Variants in UPF1 observed in about 807,000 individuals in gnomAD.
UPF1 encodes UPF1 RNA helicase and ATPase.
UPF1 carries 9 observed loss-of-function variants against 129.2 expected under a neutral mutation model. The observed-to-expected ratio is 0.07, with a 90% CI of 0.04 to 0.12. UPF1 has a LOEUF of 0.12. Among genes scored for constraint, UPF1 ranks in the 10% least tolerant of loss-of-function variants. UPF1 has a pLI of 1.00. For missense variants in UPF1, 788 were observed against 1,525.3 expected (o/e 0.52, Z 8.05); for synonymous variants, 649 against 644.9 (o/e 1.01, Z -0.10).
In UPF1 at chr19:18,855,992, G is replaced by A; in HGVS notation, c.1612G>A (p.Gly538Arg). The change falls in exon 12 of 24, where the codon GGG becomes AGG. Residue 538 changes from glycine to arginine, a missense_variant. By Grantham distance (125) the Gly-to-Arg change is moderately radical (BLOSUM62 -2). This residue lies in a region of UPF1 where 91 missense variants were observed against 157.2 expected (regional missense o/e 0.58). Coordinates refer to ENST00000262803, the MANE Select transcript of UPF1 (RefSeq NM_002911.4). The stretch of plus-strand genomic sequence containing the variant: ...GCTAACGGAGAAGATCCACCAGACG[G>A]GGCTAAAGGTCGTGCGCCTCTGCGC... ...DQLTEKIHQT[G>R]LKVVRLCAKS... 1 of 1,613,990 alleles carries A rather than the reference G, an allele frequency of 6.2e-7. No homozygotes were observed. The highest frequency in any genetic ancestry group is 8.5e-7 in the Non-Finnish European group (1 of 1,180,038).
In UPF1 at chr19:18,862,102, T is replaced by C; in HGVS notation, c.2550T>C (p.Ile850=). 1 of 1,613,972 alleles carries C rather than the reference T, an allele frequency of 6.2e-7. No individual in the cohort carries two copies. Among genetic ancestry groups the C allele is most frequent in the Non-Finnish European group, 8.5e-7 (1 of 1,180,018 alleles). ...TGCGGGCCAACGAGCACCAAGGCAT[T>C]GGCTTTTTAAATGACCCCAGGCGTC... The part of the protein sequence containing the change: ...SCVRANEHQG[I]GFLNDPRRLN... The change falls in exon 18 of 24, where the codon ATT becomes ATC. Residue 850 remains isoleucine, a synonymous_variant. Transcript: ENST00000262803.
chr19:18,856,844 C>CCCTCCG (rs2055723937), intron 13 of UPF1, 33 bp from the exon 14 acceptor site: 1 of 1,593,408 alleles, frequency 6.3e-7, no homozygotes, highest in East Asian at 2.2e-5. Context: ...GTTTACAGTG[C>CCCTCCG]AGGTGCCCTG....
At chr19:18,864,033 C>T (rs2055811391) in intron 19 of UPF1, 137 bp from the exon 20 acceptor site, 2 of 774,282 alleles carry the variant, frequency 2.6e-6, no homozygotes, top group South Asian at 3.2e-5. Flanking sequence ...CAGCTCCCTC[C>T]TGTCTCCAGG....
Position 18,864,310 on chromosome 19 carries a change from G to A in UPF1, c.2857+59G>A, listed in dbSNP as rs368577052. On this transcript the variant is annotated intron_variant, in intron 20 of 23. Transcript: ENST00000262803. ...TTGTCCTCACACCGGGATGCTGGCC[G>A]TTCCCATGGCTGCAGCTTTAGGTGC... The A allele has an allele frequency of 4.4e-5, 66 of 1,486,690 alleles. No individual in the cohort carries two copies. The Middle Eastern group carries it at 5.4e-4, about 12-fold the overall frequency. 92.1% of individuals were successfully genotyped at this position (1,486,690 alleles called of 1,614,324 possible). A position where few individuals can be genotyped will look rare whatever the true frequency, so the allele number is the denominator to read the frequency against.
intron 18 of UPF1, 166 bp from the exon 19 acceptor site, chr19:18,863,272 T>C (rs2145970867): frequency 2.3e-6 from 2 of 855,126 alleles, no homozygotes; most frequent in East Asian, 2.5e-5. Context: ...TGGCTTGGCA[T>C]TGGGCTTTGG....
At position 18,832,606 on chromosome 19, in the gene UPF1, C is replaced by G. The variant is rs988810624; in HGVS notation, c.231+166C>G. 6.6e-6 allele frequency among the ~76,000 whole-genome samples: 1 copy of G among 151,950 alleles called. No homozygotes were observed. Among genetic ancestry groups the G allele is most frequent in the Non-Finnish European group, 1.5e-5 (1 of 67,960 alleles). On this transcript the variant is annotated intron_variant, in intron 1 of 23. Coordinates refer to ENST00000262803, the MANE Select transcript of UPF1 (RefSeq NM_002911.4). The surrounding 1 kb of genome is among the most constrained non-coding windows in gnomAD (Gnocchi z 5.6). Reference sequence around the variant, plus strand: ...CTACTCTGGCTCGGCCTGAGCTTACCTGCCCCAGGTCCTGCAATCTGCCCG... The same window carrying G: ...CTACTCTGGCTCGGCCTGAGCTTACGTGCCCCAGGTCCTGCAATCTGCCCG...
At chr19:18,845,037 G>A (rs184307505) in intron 1 of UPF1, among the ~76,000 whole-genome samples, 81 of 152,346 alleles carry the variant, frequency 5.3e-4, no homozygotes, top group Non-Finnish European at 8.5e-4. Context: ...TGCTCCCCAT[G>A]AGCACCTGTC....
At chr19:18,840,853 G>A (rs2055533762) in intron 1 of UPF1, among the ~76,000 whole-genome samples, 1 of 152,242 alleles carries the variant, frequency 6.6e-6, no homozygotes, top group African/African-American at 2.4e-5. Context: ...TAAGAGCCGG[G>A]TAACCCAGCC....
intron 1 of UPF1, among the ~76,000 whole-genome samples, chr19:18,842,501 G>A (rs906735961): frequency 4.6e-5 from 7 of 151,856 alleles, no homozygotes; most frequent in African/African-American, 1.2e-4. Context: ...TGTGGGGGTC[G>A]GATTTCTGTA....
chr19:18,846,862 C>T (rs1363146935), intron 2 of UPF1, among the ~76,000 whole-genome samples: 1 of 152,150 alleles, frequency 6.6e-6, no homozygotes, highest in Admixed American at 6.5e-5. Flanking sequence ...TGGTGGCGGG[C>T]GCCTGTAGTC....
At chr19:18,839,242 C>T (rs538193090) in intron 1 of UPF1, among the ~76,000 whole-genome samples, 2 of 152,234 alleles carry the variant, frequency 1.3e-5, no homozygotes, top group South Asian at 4.2e-4. Flanking sequence ...CAGGTGCGCA[C>T]CACCATGCCC....
rs767300705 is a variant in UPF1, at chr19:18,865,765, C to G, written c.3224C>G (p.Pro1075Arg). Reference protein sequence around the residue: ...SQMSQPGLSQPELSQDSYLGD... With the variant: ...SQMSQPGLSQRELSQDSYLGD... ...ATGAGCCAGCCCGGCCTCTCCCAGC[C>G]GGAGCTGTCCCAGGTGAGCCCGCCC... The change falls in exon 22 of 24, where the codon CCG becomes CGG. Residue 1075 changes from proline (P) to arginine (R), a missense_variant. Around this residue, in one of 6 missense-constraint regions of UPF1, gnomAD observed 218 missense variants for 318.1 expected, o/e 0.69. Transcript: ENST00000262803. This position sits in a 1 kb window ranked among gnomAD's most constrained non-coding sequence, Gnocchi z 6.1. 1 of 1,612,870 alleles carries G rather than the reference C, an allele frequency of 6.2e-7. No homozygotes were observed. Among genetic ancestry groups the G allele is most frequent in the African/African-American group, 1.3e-5 (1 of 74,926 alleles).
At chr19:18,847,069 C>T (rs1369606034) in intron 2 of UPF1, among the ~76,000 whole-genome samples, 2 of 152,140 alleles carry the variant, frequency 1.3e-5, no homozygotes, top group Admixed American at 6.5e-5. Flanking sequence ...CTGCCCAGCG[C>T]TCCGGGACTG....
intron 23 of UPF1, 133 bp from the exon 24 acceptor site, chr19:18,866,388 C>A: frequency 1.7e-6 from 1 of 571,850 alleles, no homozygotes; most frequent in Non-Finnish European, 2.9e-6. Context: ...CCGGGGACCA[C>A]CGCGGGACCT....
chr19:18,855,882 G>T (rs757471724), intron 11 of UPF1, 43 bp from the exon 12 acceptor site: 1 of 1,602,440 alleles, frequency 6.2e-7, no homozygotes, highest in Non-Finnish European at 8.5e-7. Context: ...CGTTCACCGA[G>T]CTTCCTCTGG....
In UPF1 at chr19:18,865,459, C is replaced by T. The variant is rs777300382; in HGVS notation, c.3019+9C>T. On this transcript the variant is annotated intron_variant, in intron 21 of 23. Coordinates refer to ENST00000262803, the MANE Select transcript of UPF1 (RefSeq NM_002911.4). The surrounding 1 kb of genome is among the most constrained non-coding windows in gnomAD (Gnocchi z 6.1). ...CAACGGGCCTGCTGCAGGTGAGCAT[C>T]TGTGGCTGCGGCTGGGTGTGGCCCT... is the stretch of plus-strand genomic sequence containing the variant. The T allele has an allele frequency of 1.1e-5, 18 of 1,612,472 alleles. No homozygotes were observed. In the Admixed American group the frequency reaches 2.7e-4, roughly 24 times the overall value.
At chr19:18,856,811 C>T in intron 13 of UPF1, 66 bp from the exon 14 acceptor site, 1 of 1,542,400 alleles carries the variant, frequency 6.5e-7, no homozygotes. Flanking sequence ...TTCTGTCCCA[C>T]CTGCCCTCCG....
At position 18,847,729 on chromosome 19, in the gene UPF1, GT is replaced by G; in HGVS notation, c.372-11del. On this transcript the variant is annotated splice_polypyrimidine_tract_variant and intron_variant, in intron 2 of 23. Coordinates refer to ENST00000262803, the MANE Select transcript of UPF1 (RefSeq NM_002911.4). ...CAAGCTTCCAGCTGTAACTGTCGCT[GT>G]TTTGATTTTTTAGTTACTGTGGAAT... is the stretch of plus-strand genomic sequence containing the variant. The G allele has an allele frequency of 6.2e-7, 1 of 1,612,280 alleles. No individual in the cohort carries two copies. The highest frequency in any genetic ancestry group is 2.2e-5 in the East Asian group (1 of 44,846).
At chr19:18,844,165 C>T (rs147310438) in intron 1 of UPF1, among the ~76,000 whole-genome samples, 176 of 152,098 alleles carry the variant, frequency 1.2e-3, no homozygotes, top group Middle Eastern at 3.4e-3. Flanking sequence ...GCTAGGTTCA[C>T]ATCCAGAACT....
Sources: gnomAD v4.1 joint callset for allele counts (sites outside exome capture counted in the v4.1 genomes callset) on GRCh38, gnomAD v4.1.1 for gene constraint, gnomAD v4.1.1 regional missense constraint, Gnocchi (gnomAD v3.1) non-coding constraint, MANE v1.5 for transcripts, NCBI Gene and HGNC (gene_info 2026-07-23, HGNC 2026-07-21) for gene names.